DYSF: variants seen among roughly 807,000 people sequenced by gnomAD.
DYSF encodes dystrophy-associated fer-1-like 1.
DYSF carries 212 observed loss-of-function variants against 274.9 expected under a neutral mutation model. The observed-to-expected ratio is 0.77, with a 90% CI of 0.69 to 0.86. The LOEUF (loss-of-function observed/expected upper bound fraction) is 0.86, where lower values mean the gene tolerates loss of function less well. Ranked by LOEUF, DYSF falls within the 40% of genes least tolerant of loss-of-function variation. DYSF has a pLI of 0.00. For synonymous variants in DYSF, 1,091 were observed against 1,078.7 expected (o/e 1.01, Z -0.22); for missense variants, 2,666 against 2,783.2 (o/e 0.96, Z 0.95).
upstream of DYSF, among the ~76,000 whole-genome samples, chr2:71,465,780 G>A (rs1403557383): frequency 6.6e-6 from 1 of 152,192 alleles, no homozygotes; most frequent in Non-Finnish European, 1.5e-5. Context: ...AGTGCTGGGG[G>A]ATAGAAGTGC....
At chr2:71,570,578 G>T (rs763057464) in intron 28 of DYSF, 21 bp from the exon 29 acceptor site, 1 of 1,612,514 alleles carries the variant, frequency 6.2e-7, no homozygotes, top group South Asian at 1.1e-5. Context: ...AGCAATGAGT[G>T]ACCGGTTCCC....
At chr2:71,656,064 C>A (rs2094762142) in intron 42 of DYSF, 98 bp from the exon 43 acceptor site, 1 of 1,443,840 alleles carries the variant, frequency 6.9e-7, no homozygotes. Context: ...CACTCTCACA[C>A]TGTCATGTTT....
chr2:71,542,617 C>T (rs1335241282), intron 17 of DYSF, among the ~76,000 whole-genome samples: 2 of 152,172 alleles, frequency 1.3e-5, no homozygotes, highest in East Asian at 3.9e-4. Flanking sequence ...TAACAAAGCA[C>T]ATCTTGCACC....
chr2:71,553,752 A>ACCCCCCCCCCCCC, intron 20 of DYSF, 55 bp from the exon 21 acceptor site: 1 of 267,802 alleles, frequency 3.7e-6, no homozygotes, highest in Non-Finnish European at 6.7e-6. Flanking sequence ...TTAGCACCCC[A>ACCCCCCCCCCCCC]TCCCACCCGC....
chr2:71,525,420 T>TC (rs2087757556), intron 12 of DYSF, among the ~76,000 whole-genome samples: 1 of 152,076 alleles, frequency 6.6e-6, no homozygotes. Context: ...AGACAGGGTT[T>TC]CCCCATGTTA....
chr2:71,466,375 C>A (rs1353987677), upstream of DYSF, among the ~76,000 whole-genome samples: 1 of 152,208 alleles, frequency 6.6e-6, no homozygotes, highest in Non-Finnish European at 1.5e-5. Flanking sequence ...CACAGGGCGG[C>A]TGCCAAGTCG....
chr2:71,559,332 C>CCCT (rs370976885), intron 22 of DYSF, among the ~76,000 whole-genome samples: 1 of 151,640 alleles, frequency 6.6e-6, no homozygotes, highest in Non-Finnish European at 1.5e-5. Context: ...GCTCTGACTG[C>CCCT]CCTCCTCCTC....
Position 71,613,374 on chromosome 2 carries a change from C to T in DYSF, c.4428C>T (p.Ile1476=), listed in dbSNP as rs145690047. ...SLLSPGEDVL[I]DIDDKEPLIP... ...TCAGTCCTGGGGAAGACGTGCTCAT[C>T]GACATTGATGACAAGGAGCCCCTCA... The change falls in exon 40 of 56, where the codon ATC becomes ATT. Residue 1476 remains isoleucine, a synonymous_variant. Transcript: ENST00000410020. 1,273 of 1,613,586 alleles carry T rather than the reference C, an allele frequency of 7.9e-4. 4 individuals carry two copies. The East Asian group carries it at 9.7e-3, about 12-fold the overall frequency.
At chr2:71,574,079 A>G in intron 29 of DYSF, 119 bp from the exon 30 acceptor site, 1 of 1,269,588 alleles carries the variant, frequency 7.9e-7, no homozygotes, top group Non-Finnish European at 1.1e-6. Flanking sequence ...CCTGGAGGGC[A>G]CTAGTGTGGG....
At chr2:71,631,476 C>G (rs771991240) in intron 41 of DYSF, among the ~76,000 whole-genome samples, 10 of 152,196 alleles carry the variant, frequency 6.6e-5, no homozygotes, top group Non-Finnish European at 1.0e-4. Flanking sequence ...GGCCTCCCCC[C>G]ACTCCTATTA....
chr2:71,476,652 T>C (rs985680855), intron 1 of DYSF, among the ~76,000 whole-genome samples: 7 of 152,118 alleles, frequency 4.6e-5, no homozygotes, highest in African/African-American at 1.7e-4. Context: ...AGAGTGTCCT[T>C]GATGAAGCAG....
chr2:71,550,045 C>T (rs1559134323), intron 17 of DYSF, among the ~76,000 whole-genome samples: 2 of 152,206 alleles, frequency 1.3e-5, no homozygotes, highest in Non-Finnish European at 2.9e-5. Flanking sequence ...AGTGCATGAC[C>T]TTAGGTCTAG....
At chr2:71,515,847 G>T (rs905943095) in intron 8 of DYSF, 96 bp downstream of exon 8, 2 of 1,552,618 alleles carry the variant, frequency 1.3e-6, no homozygotes, top group Admixed American at 1.8e-5. Context: ...GAGTGTTTAC[G>T]TATGGCGCTG....
intron 29 of DYSF, 111 bp downstream of exon 29, chr2:71,570,852 A>G: frequency 6.8e-7 from 1 of 1,481,472 alleles, no homozygotes; most frequent in Non-Finnish European, 9.1e-7. Context: ...CACAGCATGC[A>G]CAGACACCTG....
chr2:71,624,384 ACGTCTCTATTAAT>A (rs1489145891), intron 41 of DYSF, among the ~76,000 whole-genome samples: 1 of 152,184 alleles, frequency 6.6e-6, no homozygotes, highest in Non-Finnish European at 1.5e-5. Flanking sequence ...TAGGATTTTT[ACGTCTCTATTAAT>A]AAGTATGACT....
upstream of DYSF, among the ~76,000 whole-genome samples, chr2:71,462,872 G>A (rs955371556): frequency 6.6e-6 from 1 of 152,172 alleles, no homozygotes; most frequent in South Asian, 2.1e-4. Flanking sequence ...GGATTTTATG[G>A]GCTCAGAAGG....
At chr2:71,491,335 CT>C (rs1271669599) in intron 3 of DYSF, among the ~76,000 whole-genome samples, 2 of 152,216 alleles carry the variant, frequency 1.3e-5, no homozygotes. Context: ...TTTTTTCTCT[CT>C]GCTTCTCACC....
intron 55 of DYSF, among the ~76,000 whole-genome samples, chr2:71,686,025 G>C (rs1026010703): frequency 1.3e-4 from 20 of 152,290 alleles, no homozygotes; most frequent in South Asian, 4.1e-4. Context: ...GCTGCCATGT[G>C]GGGGAGGACC....
chr2:71,530,365 C>A (rs2088540346), intron 14 of DYSF, among the ~76,000 whole-genome samples: 1 of 152,222 alleles, frequency 6.6e-6, no homozygotes, highest in South Asian at 2.1e-4. Context: ...CCTTCACATT[C>A]ATTGGAACTA....
Sources: allele counts gnomAD v4.1 joint callset (sites outside exome capture counted in the v4.1 genomes callset), GRCh38; gene constraint gnomAD v4.1.1; transcripts MANE v1.5; gene names NCBI Gene and HGNC (gene_info 2026-07-23, HGNC 2026-07-21).